BPIFB2: variants seen among roughly 807,000 people sequenced by gnomAD.
The protein encoded by BPIFB2 is BPI fold-containing family B member 2.
Under a neutral mutation model 50.1 loss-of-function variants are expected in BPIFB2, and 39 were observed. The observed-to-expected ratio is 0.78, with a 90% CI of 0.60 to 1.02. BPIFB2 has a LOEUF of 1.02. Among genes scored for constraint, BPIFB2 ranks in the 50% least tolerant of loss-of-function variants. The pLI, the probability that BPIFB2 is intolerant of heterozygous loss-of-function variation, is 0.00. For missense variants in BPIFB2, 574 were observed against 585.8 expected, an observed-to-expected ratio of 0.98 and a Z score of 0.21; for synonymous variants, 280 against 256.3, an observed-to-expected ratio of 1.09 and a Z score of -0.88.
chr20:33,021,484 T>A (rs1370986567), intron 14 of BPIFB2, 140 bp downstream of exon 14: 2 of 1,006,116 alleles, frequency 2.0e-6, no homozygotes, highest in African/African-American at 3.2e-5. Flanking sequence ...GCAGCCCATG[T>A]GTGCATGCCC....
In BPIFB2 at chr20:33,009,247, T is replaced by C. The variant is rs538530374; in HGVS notation, c.109+564T>C. On this transcript the variant is annotated intron_variant, in intron 2 of 15. Transcript: ENST00000170150. The surrounding 1 kb of genome is among the most constrained non-coding windows in gnomAD (Gnocchi z 4.2). ...GAACCATCCGCTCTCTGGGTCCCAC[T>C]TGTGCGAGGGCTCTGTCTTACGGCT... 6.6e-6 allele frequency among the ~76,000 whole-genome samples: 1 copy of C among 152,284 alleles called. No homozygotes were observed. Among genetic ancestry groups the C allele is most frequent in the South Asian group, 2.1e-4 (1 of 4,824 alleles).
Position 33,009,767 on chromosome 20 carries a change from G to GCCCTCCCCAGGC in BPIFB2, c.109+1094_109+1095insGCCCCTCCCCAG. Among the ~76,000 whole-genome samples the GCCCTCCCCAGGC allele has an allele frequency of 6.6e-6, 1 of 152,368 alleles. No homozygotes were observed. The highest frequency in any genetic ancestry group is 2.4e-5 in the African/African-American group (1 of 41,590). On this transcript the variant is annotated intron_variant, in intron 2 of 15. Transcript: ENST00000170150. The surrounding 1 kb of genome is among the most constrained non-coding windows in gnomAD (Gnocchi z 4.2). ...TGCAAGCCTCCTTTGTCCCCAGGGA[G>GCCCTCCCCAGGC]CCCTCCCCAGCTTGCCTGCCTGTGT...
At chr20:33,012,959 G>A (rs1165207796) in intron 4 of BPIFB2, 52 bp downstream of exon 4, 1 of 1,487,766 alleles carries the variant, frequency 6.7e-7, no homozygotes, top group Admixed American at 1.7e-5. Context: ...GATGCTCCGA[G>A]GGATACAGTG....
In BPIFB2 at chr20:33,021,294, G is replaced by T. The variant is rs200987554; in HGVS notation, c.1208G>T (p.Arg403Leu). 6.2e-7 allele frequency: 1 copy of T among 1,613,866 alleles called. No homozygotes were observed. Among genetic ancestry groups the T allele is most frequent in the Admixed American group, 1.7e-5 (1 of 60,000 alleles). Reference sequence around the variant, plus strand: ...CCGTGGCCACAGACAGATCAGGTGCGCACACTGATGGGCACCGTTTTTGAG... The same window carrying T: ...CCGTGGCCACAGACAGATCAGGTGCTCACACTGATGGGCACCGTTTTTGAG... ...NVGFIDTDQV[R>L]TLMGTVFEKP... is the part of the protein sequence containing the mutation. Residue 403 changes from arginine (R) to leucine (L), a missense_variant, in exon 14 of 16, where the codon CGC (arginine) becomes CTC (leucine). By Grantham distance (102) the Arg-to-Leu change is moderately radical (BLOSUM62 -2). Transcript: ENST00000170150.
chr20:33,013,998 C>T (rs765597107), intron 5 of BPIFB2, 42 bp downstream of exon 5: 18 of 1,590,306 alleles, frequency 1.1e-5, no homozygotes, highest in South Asian at 5.6e-5. Context: ...ATCCCAGATG[C>T]CAAAGCTGTG....
intron 4 of BPIFB2, among the ~76,000 whole-genome samples, chr20:33,013,532 G>C (rs1398544420): frequency 6.6e-6 from 1 of 152,174 alleles, no homozygotes; most frequent in African/African-American, 2.4e-5. Context: ...GGAAACTGAG[G>C]CTCAGCATGG....
chr20:33,019,913 C>T (rs1371507984), intron 11 of BPIFB2, among the ~76,000 whole-genome samples, 163 bp downstream of exon 11: 1 of 152,242 alleles, frequency 6.6e-6, no homozygotes, highest in Non-Finnish European at 1.5e-5. Flanking sequence ...GCTGAGCCCT[C>T]GGCCTAGGAC....
intron 2 of BPIFB2, among the ~76,000 whole-genome samples, chr20:33,010,398 T>C (rs1990269761): frequency 1.3e-5 from 2 of 152,210 alleles, no homozygotes; most frequent in South Asian, 4.1e-4. Context: ...TAAATAGCAA[T>C]GGTAGAAGCT....
chr20:33,015,940 G>A (rs535308029), intron 6 of BPIFB2, among the ~76,000 whole-genome samples: 1 of 152,284 alleles, frequency 6.6e-6, no homozygotes, highest in African/African-American at 2.4e-5. Context: ...CCCCTCCTCC[G>A]TGGGGTGGTT....
At chr20:33,014,519 G>T (rs1397919327) in intron 5 of BPIFB2, among the ~76,000 whole-genome samples, 1 of 152,186 alleles carries the variant, frequency 6.6e-6, no homozygotes, top group Non-Finnish European at 1.5e-5. Flanking sequence ...GCAAATGGAG[G>T]CCCAGAGCAG....
intron 4 of BPIFB2, among the ~76,000 whole-genome samples, chr20:33,013,360 AG>A (rs1310633400): frequency 6.6e-6 from 1 of 152,146 alleles, no homozygotes; most frequent in Non-Finnish European, 1.5e-5. Flanking sequence ...GTGCAGTCAG[AG>A]GGGTCTCTTA....
chr20:33,013,612 G>A (rs577715037), intron 4 of BPIFB2, among the ~76,000 whole-genome samples, 198 bp from the exon 5 acceptor site: 166 of 152,304 alleles, frequency 1.1e-3, no homozygotes, highest in African/African-American at 3.8e-3. Flanking sequence ...CTGCTGCAAC[G>A]TCTATGACCC....
chr20:33,015,345 G>C, intron 5 of BPIFB2, 91 bp from the exon 6 acceptor site: 9 of 1,215,206 alleles, frequency 7.4e-6, no homozygotes, highest in Non-Finnish European at 1.1e-5. Context: ...GCTGAGGATA[G>C]AGACTTCTCT....
rs779202645 is a variant in BPIFB2 at position 33,018,764 on chromosome 20, C to T, written c.797C>T (p.Ser266Phe). 5 of 1,614,210 alleles carry T rather than the reference C, an allele frequency of 3.1e-6. No individual in the cohort carries two copies. Among genetic ancestry groups the T allele is most frequent in the Non-Finnish European group, 4.2e-6 (5 of 1,180,036 alleles). Residue 266 changes from serine to phenylalanine, a missense_variant, in exon 9 of 16, where the codon TCT (serine) becomes TTT (phenylalanine). Physicochemically the swap from Ser to Phe is radical, Grantham distance 155. Transcript: ENST00000170150. ...TVGLSQQLFD[S>F]ALLLLQKAGA... ...GGCCTCTCCCAGCAGCTGTTTGACT[C>T]TGCGCTCCTGCTGCTGCAGAAGGCC...
In BPIFB2 at chr20:33,012,827, GC is replaced by G. The variant is rs1177026413; in HGVS notation, c.232del (p.Arg78AlafsTer4). On this transcript the variant is annotated frameshift_variant, in exon 4 of 16. Coordinates refer to ENST00000170150, the MANE Select transcript of BPIFB2 (RefSeq NM_025227.3). LOFTEE classifies it high-confidence loss of function. Reference protein sequence around the residue: ...TRIRILNVHVPRLHLKFIAGF... With the variant: ...TRIRILNVHVXRLHLKFIAGF... ...GGATCCGGATTCTGAATGTCCATGT[GC>G]CCCGCCTCCACCTGAAATTCATTGC... 2 of 1,613,804 alleles carry G rather than the reference GC, an allele frequency of 1.2e-6. No individual in the cohort carries two copies. The highest frequency in any genetic ancestry group is 1.7e-6 in the Non-Finnish European group (2 of 1,179,872).
rs1199184214 is a variant in BPIFB2, at chr20:33,013,801, TCCCTACAGCG to T, written c.309-5_313del. 1 of 1,611,562 alleles carries T rather than the reference TCCCTACAGCG, an allele frequency of 6.2e-7. No homozygotes were observed. Among genetic ancestry groups the T allele is most frequent in the Admixed American group, 1.7e-5 (1 of 59,970 alleles). ...GTGCTGCTCGGGCTCAGGACTGGCA[TCCCTACAGCG>T]CCCCAGAGCCCCTGGAGCTGACGCT... On this transcript the variant is annotated splice_acceptor_variant and splice_polypyrimidine_tract_variant and coding_sequence_variant and intron_variant, in exon 5 of 16. Transcript: ENST00000170150. LOFTEE classifies it high-confidence loss of function.
At chr20:33,023,041 G>T (rs1246439856) in intron 15 of BPIFB2, among the ~76,000 whole-genome samples, 1 of 152,170 alleles carries the variant, frequency 6.6e-6, no homozygotes, top group Non-Finnish European at 1.5e-5. Flanking sequence ...AGTTGGACTT[G>T]GAGAAGATGC....
At position 33,009,646 on chromosome 20, in the gene BPIFB2, C is replaced by T. The variant is rs914429814; in HGVS notation, c.109+963C>T. 3.9e-5 allele frequency among the ~76,000 whole-genome samples: 6 copies of T among 152,296 alleles called. No individual in the cohort carries two copies. Among genetic ancestry groups the T allele is most frequent in the East Asian group, 3.9e-4 (2 of 5,172 alleles). On this transcript the variant is annotated intron_variant, in intron 2 of 15. Transcript: ENST00000170150. The surrounding 1 kb of genome is among the most constrained non-coding windows in gnomAD (Gnocchi z 4.2). The stretch of plus-strand genomic sequence containing the variant: ...CAGGCAATGAAAGGGGTCAGTGATC[C>T]GTGCCAGAGCATGACATGGAGCCAT...
chr20:33,012,880 C>A lies in BPIFB2; in HGVS notation c.281C>A (p.Ala94Glu), dbSNP rs749731259. The change falls in exon 4 of 16, where the codon GCA (alanine) becomes GAA (glutamate). Residue 94 changes from alanine (A) to glutamate (E), a missense_variant. By Grantham distance (107) the Ala-to-Glu change is moderately radical. Transcript: ENST00000170150. The stretch of plus-strand genomic sequence containing the variant: ...GGTTTCGGAGTGCGCCTGCTGGCAG[C>A]AGCTAATTTTACTTTCAAGGTCTTT... ...IAGFGVRLLA[A>E]ANFTFKVFRA... 1 of 1,613,714 alleles carries A rather than the reference C, an allele frequency of 6.2e-7. No individual in the cohort carries two copies.
Sources: allele counts gnomAD v4.1 joint callset (sites outside exome capture counted in the v4.1 genomes callset), GRCh38; gene constraint gnomAD v4.1.1; non-coding constraint Gnocchi (gnomAD v3.1); transcripts MANE v1.5; gene names NCBI Gene and HGNC (gene_info 2026-07-23, HGNC 2026-07-21).